The following ANGPT1 variants were observed in gnomAD, a reference collection of about 807,000 sequenced individuals.
ANGPT1 encodes the protein angiopoietin-1.
Under a neutral mutation model 62.2 loss-of-function variants are expected in ANGPT1, and 17 were observed. The ratio of observed to expected loss-of-function variants is 0.27; its 90% confidence interval spans 0.19 to 0.41. The LOEUF (loss-of-function observed/expected upper bound fraction) is 0.41. Among genes scored for constraint, ANGPT1 ranks in the 10% least tolerant of loss-of-function variants. ANGPT1 has a pLI of 1.00. For missense variants in ANGPT1, 478 were observed against 594.9 expected (o/e 0.80, Z 2.04); for synonymous variants, 199 against 198.9 (o/e 1.00, Z 0.00).
chr8:107,274,352 CA>C (rs1284505744), intron 7 of ANGPT1, among the ~76,000 whole-genome samples: 1 of 152,000 alleles, frequency 6.6e-6, no homozygotes, highest in Non-Finnish European at 1.5e-5. Context: ...ACTCTGATTT[CA>C]AAAGAACTAT....
In ANGPT1 at chr8:107,370,407, A is replaced by AGAAAGAAAGAAAGAAAGAAAGAAAG. The variant is rs149930759; in HGVS notation, c.298-23311_298-23310insCTTTCTTTCTTTCTTTCTTTCTTTC. Reference sequence around the variant, plus strand: ...AAGAAAGAAAGAAAGAAAGAAAGAAAGAGTCAGGGTCAGTGGCTCAGGCCT... The same window carrying AGAAAGAAAGAAAGAAAGAAAGAAAG: ...AAGAAAGAAAGAAAGAAAGAAAGAAAGAAAGAAAGAAAGAAAGAAAGAAAGGAGTCAGGGTCAGTGGCTCAGGCCT... On this transcript the variant is annotated intron_variant, in intron 1 of 8. Coordinates refer to ENST00000517746, the MANE Select transcript of ANGPT1 (RefSeq NM_001146.5). Among the ~76,000 whole-genome samples the AGAAAGAAAGAAAGAAAGAAAGAAAG allele has an allele frequency of 1.8e-4, 13 of 71,972 alleles. 3 individuals carry two copies. Among genetic ancestry groups the AGAAAGAAAGAAAGAAAGAAAGAAAG allele is most frequent in the Admixed American group, 1.1e-3 (8 of 7,220 alleles). 47.2% of individuals were successfully genotyped at this position (71,972 alleles called of 152,430 possible).
chr8:107,429,822 G>C (rs1356002437), intron 1 of ANGPT1, among the ~76,000 whole-genome samples: 2 of 143,872 alleles, frequency 1.4e-5, no homozygotes, highest in Non-Finnish European at 3.1e-5. Flanking sequence ...TGAAATGCAG[G>C]CTTCCACAAA....
intron 1 of ANGPT1, among the ~76,000 whole-genome samples, chr8:107,366,723 T>C (rs558147412): frequency 2.6e-5 from 4 of 152,336 alleles, no homozygotes; most frequent in African/African-American, 9.6e-5. Context: ...CAGCGATCCC[T>C]ACCTCATGGT....
intron 1 of ANGPT1, among the ~76,000 whole-genome samples, chr8:107,418,463 T>C (rs1245910921): frequency 6.6e-6 from 1 of 152,158 alleles, no homozygotes; most frequent in Non-Finnish European, 1.5e-5. Flanking sequence ...TCAACTGAAT[T>C]TTGTATCGGC....
intron 1 of ANGPT1, among the ~76,000 whole-genome samples, chr8:107,409,938 AATCCATCCATCC>A (rs5893861): frequency 0.019 from 2,780 of 149,006 alleles, 37 homozygotes; most frequent in Admixed American, 0.026. Flanking sequence ...ATATGTGATG[AATCCATCCATCC>A]ATCCATCCAT....
Position 107,400,620 on chromosome 8 carries a change from C to T in ANGPT1, c.298-53523G>A, listed in dbSNP as rs1440817438. Among the ~76,000 whole-genome samples, 8 of 148,352 alleles carry T rather than the reference C, an allele frequency of 5.4e-5. No homozygotes were observed. The East Asian group carries it at 1.0e-3, about 19-fold the overall frequency. On this transcript the variant is annotated intron_variant, in intron 1 of 8. Coordinates refer to ENST00000517746, the MANE Select transcript of ANGPT1 (RefSeq NM_001146.5). ...CATTGCCCAAGCTGGAGTGCATTGT[C>T]GTGATCTCGGCACACTGCAGCCTCC...
intron 1 of ANGPT1, among the ~76,000 whole-genome samples, chr8:107,357,727 C>A (rs1418438038): frequency 2.0e-5 from 3 of 152,060 alleles, no homozygotes; most frequent in African/African-American, 4.8e-5. Context: ...AAATACCCAG[C>A]AGATGATATA....
intron 1 of ANGPT1, among the ~76,000 whole-genome samples, chr8:107,432,264 CT>C (rs142606781): frequency 0.046 from 6,989 of 152,118 alleles, 166 homozygotes; most frequent in Middle Eastern, 0.068. Flanking sequence ...GGGATTATTC[CT>C]TTTCTATAAC....
intron 6 of ANGPT1, among the ~76,000 whole-genome samples, chr8:107,292,771 G>A (rs1424063524): frequency 6.6e-6 from 1 of 152,094 alleles, no homozygotes; most frequent in African/African-American, 2.4e-5. Flanking sequence ...ACTGTCATTT[G>A]ACCAACTATG....
At position 107,299,709 on chromosome 8, in the gene ANGPT1, A is replaced by C. The variant is rs574570923; in HGVS notation, c.936+3531T>G. 2.6e-3 allele frequency among the ~76,000 whole-genome samples: 339 copies of C among 131,102 alleles called. 8 individuals are homozygous for C. Among genetic ancestry groups the C allele is most frequent in the Non-Finnish European group, 3.6e-3 (229 of 62,748 alleles). The allele number at this position is 131,102 out of a possible 152,430, so 86.0% of individuals were successfully genotyped here. On this transcript the variant is annotated intron_variant, in intron 5 of 8. Transcript: ENST00000517746. Reference sequence around the variant, plus strand: ...TTAGATACATACTATACTATACTATATATACTATATATATAGTTATATCTA... The same window carrying C: ...TTAGATACATACTATACTATACTATCTATACTATATATATAGTTATATCTA...
At chr8:107,355,410 T>C (rs1816022151) in intron 1 of ANGPT1, among the ~76,000 whole-genome samples, 1 of 152,186 alleles carries the variant, frequency 6.6e-6, no homozygotes, top group South Asian at 2.1e-4. Context: ...GGGATCAATC[T>C]AAAGCACAGA....
chr8:107,461,285 C>T (rs1812064924), intron 1 of ANGPT1, among the ~76,000 whole-genome samples: 2 of 152,120 alleles, frequency 1.3e-5, no homozygotes, highest in South Asian at 4.1e-4. Context: ...CTAGGACCAA[C>T]ATAAGTTAAG....
At chr8:107,313,203 C>T (rs538582333) in intron 4 of ANGPT1, among the ~76,000 whole-genome samples, 32 of 152,150 alleles carry the variant, frequency 2.1e-4, no homozygotes, top group African/African-American at 7.2e-4. Flanking sequence ...TTTGATATTA[C>T]ATTTGATAAT....
At chr8:107,429,798 A>T (rs1023527904) in intron 1 of ANGPT1, among the ~76,000 whole-genome samples, 15 of 147,420 alleles carry the variant, frequency 1.0e-4, no homozygotes, top group African/African-American at 3.7e-4. Flanking sequence ...TTTTCTGTAG[A>T]CTAATATTAT....
chr8:107,419,101 C>A (rs533183710), intron 1 of ANGPT1, among the ~76,000 whole-genome samples: 1 of 152,186 alleles, frequency 6.6e-6, no homozygotes, highest in East Asian at 1.9e-4. Flanking sequence ...GCCTGTCATG[C>A]ACACAGATGA....
intron 1 of ANGPT1, among the ~76,000 whole-genome samples, chr8:107,380,371 G>GTT (rs1056827687): frequency 3.3e-5 from 5 of 150,768 alleles, no homozygotes; most frequent in Middle Eastern, 3.5e-3. Flanking sequence ...GTGTGTGTGT[G>GTT]TGTGTGTGTG....
At chr8:107,272,666 C>G in intron 7 of ANGPT1, among the ~76,000 whole-genome samples, 1 of 151,594 alleles carries the variant, frequency 6.6e-6, no homozygotes, top group Middle Eastern at 3.4e-3. Flanking sequence ...AGCAAACCCA[C>G]GTACTGTTAT....
chr8:107,301,496 T>C (rs757940839), intron 5 of ANGPT1, among the ~76,000 whole-genome samples: 9 of 151,888 alleles, frequency 5.9e-5, no homozygotes, highest in Non-Finnish European at 8.8e-5. Flanking sequence ...AGTGTGATTT[T>C]AGGATATCTT....
chr8:107,387,157 T>C (rs1180282780), intron 1 of ANGPT1, among the ~76,000 whole-genome samples: 1 of 152,090 alleles, frequency 6.6e-6, no homozygotes, highest in East Asian at 1.9e-4. Context: ...ACAGAAGGGA[T>C]AATTTTTAAA....
Sources: gnomAD v4.1 joint callset for allele counts (sites outside exome capture counted in the v4.1 genomes callset) on GRCh38, gnomAD v4.1.1 for gene constraint, MANE v1.5 for transcripts, NCBI Gene and HGNC (gene_info 2026-07-23, HGNC 2026-07-21) for gene names.